The following COBLL1 variants were observed in gnomAD, a reference collection of about 807,000 sequenced individuals.
COBLL1 encodes cordon-bleu WH2 repeat protein like 1.
Under a neutral mutation model 94.8 loss-of-function variants are expected in COBLL1, and 50 were observed. The observed-to-expected ratio is 0.53, with a 90% CI of 0.42 to 0.67. The LOEUF (loss-of-function observed/expected upper bound fraction) is 0.67, where lower values mean the gene tolerates loss of function less well. Among genes scored for constraint, COBLL1 ranks in the 30% least tolerant of loss-of-function variants. COBLL1 has a pLI of 0.00. For synonymous variants in COBLL1, 448 were observed against 473.8 expected (o/e 0.95, Z 0.71); for missense variants, 1,362 against 1,348.7 (o/e 1.01, Z -0.15).
chr2:164,754,154 G>T (rs963184395), intron 2 of COBLL1, among the ~76,000 whole-genome samples: 2 of 152,072 alleles, frequency 1.3e-5, no homozygotes, highest in African/African-American at 4.8e-5. Context: ...ATATTCCATA[G>T]ACTTAGTAAA....
intron 2 of COBLL1, among the ~76,000 whole-genome samples, chr2:164,784,910 A>G (rs1688881759): frequency 6.6e-6 from 1 of 152,026 alleles, no homozygotes; most frequent in South Asian, 2.1e-4. Context: ...TAGAAACATA[A>G]TTTCTAATGT....
At chr2:164,786,414 G>A (rs66808012) in intron 2 of COBLL1, among the ~76,000 whole-genome samples, 13,175 of 152,152 alleles carry the variant, frequency 0.087, 647 homozygotes, top group African/African-American at 0.12. Flanking sequence ...GGAGGTGAGC[G>A]TTGACATGGT....
intron 7 of COBLL1, chr2:164,718,301 A>G (rs1350784406): frequency 3.2e-6 from 3 of 950,046 alleles, no homozygotes; most frequent in Non-Finnish European, 2.5e-6. Flanking sequence ...TTAAGCCATA[A>G]TACAACCCTA....
chr2:164,706,083 A>G (rs901412941), intron 7 of COBLL1, among the ~76,000 whole-genome samples: 29 of 152,244 alleles, frequency 1.9e-4, no homozygotes, highest in African/African-American at 6.7e-4. Flanking sequence ...TTGTGTCTCC[A>G]ATTTCTCTTA....
chr2:164,698,292 T>C (rs780120461), intron 11 of COBLL1: 14 of 151,656 alleles, frequency 9.2e-5, no homozygotes, highest in Non-Finnish European at 1.8e-4. Context: ...TTAGACCTTC[T>C]CAGTATGATA....
chr2:164,736,787 A>G (rs181497125), intron 3 of COBLL1, among the ~76,000 whole-genome samples: 1 of 152,336 alleles, frequency 6.6e-6, no homozygotes, highest in East Asian at 1.9e-4. Context: ...TACAAATAGC[A>G]CGTACAATAT....
chr2:164,811,677 G>C (rs1049186786), intron 2 of COBLL1, among the ~76,000 whole-genome samples: 2 of 151,692 alleles, frequency 1.3e-5, no homozygotes, highest in African/African-American at 2.4e-5. Flanking sequence ...CTATCTGAAA[G>C]ACATTTAGTG....
At chr2:164,727,792 T>G (rs1265714569) in intron 5 of COBLL1, among the ~76,000 whole-genome samples, 177 bp downstream of exon 5, 1 of 152,074 alleles carries the variant, frequency 6.6e-6, no homozygotes, top group Non-Finnish European at 1.5e-5. Flanking sequence ...TATATTTAAC[T>G]TGATTTATAT....
intron 2 of COBLL1, among the ~76,000 whole-genome samples, chr2:164,753,708 T>C (rs908980356): frequency 6.6e-6 from 1 of 151,844 alleles, no homozygotes; most frequent in Non-Finnish European, 1.5e-5. Context: ...GGAAAATGTT[T>C]AAGTATATTT....
intron 3 of COBLL1, among the ~76,000 whole-genome samples, chr2:164,737,259 G>C (rs546933003): frequency 6.6e-6 from 1 of 152,138 alleles, no homozygotes; most frequent in East Asian, 1.9e-4. Context: ...GAAGAGGGTG[G>C]CCCTGCCAGG....
At position 164,841,282 on chromosome 2, in the gene COBLL1, G is replaced by C; in HGVS notation, c.-50-36C>G. 1 of 1,219,578 alleles carries C rather than the reference G, an allele frequency of 8.2e-7. No individual in the cohort carries two copies. Among genetic ancestry groups the C allele is most frequent in the Non-Finnish European group, 1.0e-6 (1 of 980,136 alleles). The allele number at this position is 1,219,578 out of a possible 1,614,324, so 75.5% of individuals were successfully genotyped here. ...AGAGGCCGGCGGGTCAGGGCGGGAC[G>C]CGCGCCTTCCCGAGGCCGGAGCGAA... On this transcript the variant is annotated intron_variant, in intron 1 of 13. Transcript: ENST00000652658. This position sits in a 1 kb window ranked among gnomAD's most constrained non-coding sequence, Gnocchi z 5.5.
At chr2:164,713,894 T>C (rs746677109) in intron 7 of COBLL1, among the ~76,000 whole-genome samples, 16 of 152,266 alleles carry the variant, frequency 1.1e-4, no homozygotes, top group South Asian at 2.1e-4. Context: ...GTTCATCTGT[T>C]AGAGGCCAAT....
intron 9 of COBLL1, chr2:164,703,249 G>A (rs758794091): frequency 9.4e-6 from 14 of 1,482,180 alleles, no homozygotes; most frequent in Non-Finnish European, 1.2e-5. Flanking sequence ...CTGTAGAAAT[G>A]GCACTTAGAC....
intron 2 of COBLL1, among the ~76,000 whole-genome samples, chr2:164,777,441 G>C (rs1287219533): frequency 1.3e-5 from 2 of 151,918 alleles, no homozygotes; most frequent in Non-Finnish European, 2.9e-5. Context: ...ACCTTCCTAA[G>C]GATGCTGCCT....
chr2:164,722,638 T>C (rs535495606), intron 5 of COBLL1, 116 bp from the exon 6 acceptor site: 4 of 546,414 alleles, frequency 7.3e-6, no homozygotes, highest in South Asian at 6.4e-5. Flanking sequence ...CTACTAATTA[T>C]AGTCTACAAA....
chr2:164,832,603 G>A (rs1216281202), intron 2 of COBLL1, among the ~76,000 whole-genome samples: 1 of 152,146 alleles, frequency 6.6e-6, no homozygotes, highest in East Asian at 1.9e-4. Flanking sequence ...TTTCAAATAT[G>A]TGGTATTTTT....
chr2:164,761,000 A>G (rs772438367), intron 2 of COBLL1, among the ~76,000 whole-genome samples: 5 of 152,228 alleles, frequency 3.3e-5, no homozygotes, highest in African/African-American at 2.4e-5. Context: ...TTTAATGGCT[A>G]ATTACTAAAG....
chr2:164,826,581 G>A (rs1239775280), intron 2 of COBLL1, among the ~76,000 whole-genome samples: 2 of 152,210 alleles, frequency 1.3e-5, no homozygotes, highest in Non-Finnish European at 1.5e-5. Context: ...GAAACTGTGG[G>A]TTAGAGAGGG....
chr2:164,746,640 A>C (rs1313235448), intron 2 of COBLL1, among the ~76,000 whole-genome samples: 1 of 152,222 alleles, frequency 6.6e-6, no homozygotes, highest in East Asian at 1.9e-4. Flanking sequence ...CCCTCAATTT[A>C]TGACGAGGTT....
Sources: gnomAD v4.1 joint callset for allele counts (sites outside exome capture counted in the v4.1 genomes callset) on GRCh38, gnomAD v4.1.1 for gene constraint, Gnocchi (gnomAD v3.1) non-coding constraint, MANE v1.5 for transcripts, NCBI Gene and HGNC (gene_info 2026-07-23, HGNC 2026-07-21) for gene names.